The following DTD1 variants were observed in gnomAD, a reference collection of about 807,000 sequenced individuals.
DTD1 encodes the protein D-aminoacyl-tRNA deacylase 1, also known as D-tyrosyl-tRNA deacylase 1 homolog.
DTD1 carries 13 observed loss-of-function variants against 25.6 expected under a neutral mutation model. The ratio of observed to expected loss-of-function variants is 0.51; its 90% CI spans 0.33 to 0.81. DTD1 has a LOEUF of 0.81. Ranked by LOEUF, DTD1 falls within the 30% of genes least tolerant of loss-of-function variation. The pLI, the probability that DTD1 is intolerant of heterozygous loss-of-function variation, is 0.02. For synonymous variants in DTD1, 110 were observed against 103.6 expected (o/e 1.06, Z -0.37); for missense variants, 193 against 266.4 (o/e 0.72, Z 1.92).
intron 5 of DTD1, among the ~76,000 whole-genome samples, chr20:18,759,386 T>C (rs1044063221): frequency 2.6e-5 from 4 of 152,248 alleles, no homozygotes; most frequent in African/African-American, 9.6e-5. Flanking sequence ...TTTGTTCCTT[T>C]CCATGTTTAG....
intron 4 of DTD1, among the ~76,000 whole-genome samples, chr20:18,704,061 C>T (rs1009128963): frequency 2.7e-5 from 4 of 147,722 alleles, no homozygotes; most frequent in African/African-American, 7.6e-5. Context: ...AGTGCAGTGG[C>T]GCAATCTTGG....
chr20:18,668,289 T>C (rs2060939490), intron 4 of DTD1, among the ~76,000 whole-genome samples: 1 of 152,230 alleles, frequency 6.6e-6, no homozygotes, highest in South Asian at 2.1e-4. Context: ...TTGTAGGATA[T>C]AGTTGGACAA....
At position 18,642,521 on chromosome 20, in the gene DTD1, TG is replaced by T. The variant is rs538485578; in HGVS notation, c.477+14289del. Among the ~76,000 whole-genome samples, 1,242 of 152,184 alleles carry T rather than the reference TG, an allele frequency of 8.2e-3. 11 individuals carry two copies. The highest frequency in any genetic ancestry group is 0.017 in the Middle Eastern group (5 of 294). ...TGGGCTCAAGCAATATTCCTACCTCTGCCTCCCAAAGTGCTGAGATTACAAG... is the reference window on the plus strand; with the variant it reads ...TGGGCTCAAGCAATATTCCTACCTCTCCTCCCAAAGTGCTGAGATTACAAG... On this transcript the variant is annotated intron_variant, in intron 4 of 5. Transcript: ENST00000377452.
intron 5 of DTD1, among the ~76,000 whole-genome samples, chr20:18,755,673 T>A (rs943860913): frequency 6.6e-6 from 1 of 152,230 alleles, no homozygotes; most frequent in Non-Finnish European, 1.5e-5. Context: ...TCTATCATTG[T>A]TGGACATTTG....
At chr20:18,748,049 C>G (rs1440087871) in intron 5 of DTD1, among the ~76,000 whole-genome samples, 1 of 151,590 alleles carries the variant, frequency 6.6e-6, no homozygotes, top group Non-Finnish European at 1.5e-5. Flanking sequence ...CAAAACAAAA[C>G]AAAAAAACAA....
intron 5 of DTD1, among the ~76,000 whole-genome samples, chr20:18,758,863 A>G (rs938942947): frequency 2.6e-5 from 4 of 152,184 alleles, no homozygotes; most frequent in African/African-American, 9.7e-5. Flanking sequence ...TAACGTTGAC[A>G]GTGGGGTGTT....
intron 4 of DTD1, chr20:18,632,012 G>A (rs1209732061): frequency 1.2e-6 from 1 of 842,014 alleles, no homozygotes; most frequent in Admixed American, 6.2e-5. Context: ...TGTGCACTGG[G>A]AGTAGATTTA....
chr20:18,628,324 A>C, intron 4 of DTD1, 91 bp downstream of exon 4: 1 of 954,288 alleles, frequency 1.0e-6, no homozygotes, highest in Non-Finnish European at 1.6e-6. Context: ...GAGGAAATAC[A>C]TCATTGTTGC....
intron 4 of DTD1, among the ~76,000 whole-genome samples, chr20:18,727,535 G>A (rs1389704107): frequency 6.6e-6 from 1 of 152,174 alleles, no homozygotes; most frequent in East Asian, 1.9e-4. Flanking sequence ...GGGGAGAGAC[G>A]TTATTCTGTA....
At chr20:18,610,523 G>C (rs927742747) in intron 3 of DTD1, among the ~76,000 whole-genome samples, 1 of 152,136 alleles carries the variant, frequency 6.6e-6, no homozygotes, top group South Asian at 2.1e-4. Context: ...ATGAAAAATT[G>C]ACATAAATTA....
At chr20:18,711,957 T>C (rs1377872240) in intron 4 of DTD1, among the ~76,000 whole-genome samples, 5 of 151,566 alleles carry the variant, frequency 3.3e-5, no homozygotes, top group Non-Finnish European at 5.9e-5. Flanking sequence ...TAATCCCAGC[T>C]ACATGGGAGG....
chr20:18,614,611 C>T (rs1215801187), intron 3 of DTD1, among the ~76,000 whole-genome samples: 3 of 152,090 alleles, frequency 2.0e-5, no homozygotes, highest in African/African-American at 7.2e-5. Context: ...GCAACTTGGT[C>T]ATCTGGTGCA....
At chr20:18,744,305 C>T in intron 5 of DTD1, 34 bp downstream of exon 5, 1 of 1,598,538 alleles carries the variant, frequency 6.3e-7, no homozygotes, top group Non-Finnish European at 8.5e-7. Flanking sequence ...CATCTTCCCA[C>T]ATTTTGGGGA....
chr20:18,765,143 G>A lies in DTD1; in HGVS notation c.*1803G>A, dbSNP rs2061375752. Reference sequence around the variant, plus strand: ...ACATACCAGAGAGTGAGCACCATGTGGTCAAGTTGCTGAAGGGTCTGAAAC... The same window carrying A: ...ACATACCAGAGAGTGAGCACCATGTAGTCAAGTTGCTGAAGGGTCTGAAAC... On this transcript the variant is annotated 3_prime_UTR_variant, in exon 6 of 6. Coordinates refer to ENST00000377452, the MANE Select transcript of DTD1 (RefSeq NM_080820.6). 6.6e-6 allele frequency: 1 copy of A among 152,220 alleles called. No homozygotes were observed. Among genetic ancestry groups the A allele is most frequent in the African/African-American group, 2.4e-5 (1 of 41,448 alleles). The allele number at this position is 152,220 out of a possible 1,614,324, so 9.4% of individuals were successfully genotyped here.
At chr20:18,720,305 C>T (rs2061196946) in intron 4 of DTD1, among the ~76,000 whole-genome samples, 1 of 152,152 alleles carries the variant, frequency 6.6e-6, no homozygotes, top group Non-Finnish European at 1.5e-5. Flanking sequence ...ATCATAAATG[C>T]AGATCAGACA....
intron 4 of DTD1, among the ~76,000 whole-genome samples, chr20:18,723,215 G>A (rs1388178199): frequency 6.6e-6 from 1 of 152,160 alleles, no homozygotes; most frequent in Non-Finnish European, 1.5e-5. Context: ...CACAGCTGTG[G>A]CAACCAAAAA....
chr20:18,712,412 A>C (rs1349463209), intron 4 of DTD1, among the ~76,000 whole-genome samples: 5 of 142,234 alleles, frequency 3.5e-5, no homozygotes, highest in Admixed American at 2.1e-4. Context: ...GGTGGGGGGG[A>C]AGCCAGGATG....
chr20:18,601,525 T>G (rs1361425272), intron 3 of DTD1, among the ~76,000 whole-genome samples: 6 of 130,326 alleles, frequency 4.6e-5, no homozygotes, highest in Admixed American at 7.9e-5. Context: ...AAAAAAGCAG[T>G]CTGACAGCTT....
At chr20:18,696,358 G>C (rs540918789) in intron 4 of DTD1, among the ~76,000 whole-genome samples, 12 of 152,110 alleles carry the variant, frequency 7.9e-5, no homozygotes, top group Non-Finnish European at 1.6e-4. Flanking sequence ...GATGACATCT[G>C]TAGTTTCCAC....
Sources: gnomAD v4.1 joint callset for allele counts (sites outside exome capture counted in the v4.1 genomes callset) on GRCh38, gnomAD v4.1.1 for gene constraint, MANE v1.5 for transcripts, NCBI Gene and HGNC (gene_info 2026-07-23, HGNC 2026-07-21) for gene names.